Variants in EIPR1 observed in about 807,000 individuals in gnomAD.
EIPR1 encodes the protein EARP and GARP complex-interacting protein 1.
Under a neutral mutation model 48.1 loss-of-function variants are expected in EIPR1, and 25 were observed. The ratio of observed to expected loss-of-function variants is 0.52; its 90% CI spans 0.38 to 0.73. EIPR1 has a LOEUF of 0.73. EIPR1 is among the 30% of genes least tolerant of loss of function. The probability of loss-of-function intolerance (pLI) is 0.00; values close to 1 mark genes in which losing one functional copy is unlikely to be tolerated. For synonymous variants in EIPR1, 204 were observed against 201.9 expected, an observed-to-expected ratio of 1.01 and a Z score of -0.09; for missense variants, 415 against 506.2, an observed-to-expected ratio of 0.82 and a Z score of 1.73.
chr2:3,356,961 C>G (rs1347394755), intron 1 of EIPR1, among the ~76,000 whole-genome samples: 1 of 152,248 alleles, frequency 6.6e-6, no homozygotes, highest in African/African-American at 2.4e-5. Flanking sequence ...GAAAGTACCT[C>G]TGATTGGTTG....
chr2:3,245,783 G>A (rs1666776395), intron 4 of EIPR1, among the ~76,000 whole-genome samples: 1 of 152,220 alleles, frequency 6.6e-6, no homozygotes, highest in Non-Finnish European at 1.5e-5. Context: ...ATCTGGGCCA[G>A]GTGCGGTGGC....
In EIPR1 at chr2:3,286,718, G is replaced by A. The variant is rs1218151846; in HGVS notation, c.260-29263C>T. Among the ~76,000 whole-genome samples, 9 of 152,234 alleles carry A rather than the reference G, an allele frequency of 5.9e-5. No individual in the cohort carries two copies. Among genetic ancestry groups the A allele is most frequent in the Non-Finnish European group, 8.8e-5 (6 of 68,030 alleles). On this transcript the variant is annotated intron_variant, in intron 3 of 8. Transcript: ENST00000382125. This position sits in a 1 kb window ranked among gnomAD's most constrained non-coding sequence, Gnocchi z 4.2. ...CCCAGAGGAACAAGCCAGCCCCTGC[G>A]TCCCCACGTGCTGAGTCCATCCTCC... is the stretch of plus-strand genomic sequence containing the variant.
intron 3 of EIPR1, among the ~76,000 whole-genome samples, chr2:3,269,099 A>T (rs1456278137): frequency 6.6e-6 from 1 of 152,184 alleles, no homozygotes; most frequent in Non-Finnish European, 1.5e-5. Flanking sequence ...CATCTACTCC[A>T]TCATGTGGGC....
intron 3 of EIPR1, among the ~76,000 whole-genome samples, chr2:3,311,066 C>T (rs972732622): frequency 2.6e-5 from 4 of 152,160 alleles, no homozygotes; most frequent in African/African-American, 7.2e-5. Context: ...CACTCTCAGA[C>T]GATTACCAGA....
At chr2:3,305,114 C>T (rs1334751669) in intron 3 of EIPR1, among the ~76,000 whole-genome samples, 5 of 146,512 alleles carry the variant, frequency 3.4e-5, no homozygotes, top group East Asian at 2.1e-4. Flanking sequence ...GCCCTCCACT[C>T]CCGTCCAGTT....
At chr2:3,253,291 T>A (rs1041528027) in intron 4 of EIPR1, among the ~76,000 whole-genome samples, 1 of 152,174 alleles carries the variant, frequency 6.6e-6, no homozygotes, top group African/African-American at 2.4e-5. Flanking sequence ...ACCCATGTAT[T>A]TCTTAAATGT....
Position 3,196,945 on chromosome 2 carries a change from T to G in EIPR1, c.589A>C (p.Asn197His). 1 of 1,613,964 alleles carries G rather than the reference T, an allele frequency of 6.2e-7. No individual in the cohort carries two copies. Among genetic ancestry groups the G allele is most frequent in the Non-Finnish European group, 8.5e-7 (1 of 1,180,046 alleles). The change falls in exon 6 of 9, where the codon AAC (asparagine) becomes CAC (histidine). Residue 197 changes from asparagine (N) to histidine (H), a missense_variant. By Grantham distance (68) the Asn-to-His change is moderately conservative (BLOSUM62 1). Coordinates refer to ENST00000382125, the MANE Select transcript of EIPR1 (RefSeq NM_003310.5). ...FTSGRWSPHH[N>H]CTQVATANDT... ...TTCGCTGTGGCCACCTGGGTGCAGT[T>G]ATGATGTGGGCTCCACCGTCCTGAG...
intron 3 of EIPR1, among the ~76,000 whole-genome samples, chr2:3,294,542 G>A (rs375594930): frequency 2.6e-5 from 2 of 77,794 alleles, no homozygotes; most frequent in African/African-American, 5.1e-5. Flanking sequence ...CCATCCAGCC[G>A]ATCCTCTCTA....
At chr2:3,292,723 T>A (rs1211113942) in intron 3 of EIPR1, among the ~76,000 whole-genome samples, 1 of 152,216 alleles carries the variant, frequency 6.6e-6, no homozygotes, top group East Asian at 1.9e-4. Context: ...CAAAAAGCTC[T>A]CATCTACATT....
intron 4 of EIPR1, among the ~76,000 whole-genome samples, chr2:3,243,561 G>A (rs544027264): frequency 3.9e-5 from 6 of 152,254 alleles, no homozygotes; most frequent in South Asian, 2.1e-4. Context: ...AACCCGGGAG[G>A]CAGAGGTTGC....
At chr2:3,321,743 A>G (rs201745698) in intron 3 of EIPR1, among the ~76,000 whole-genome samples, 1 of 152,210 alleles carries the variant, frequency 6.6e-6, no homozygotes, top group East Asian at 1.9e-4. Context: ...GAGAGCCTCC[A>G]GACCTCGAAG....
At chr2:3,237,886 T>C (rs1365998479) in intron 4 of EIPR1, among the ~76,000 whole-genome samples, 1 of 152,186 alleles carries the variant, frequency 6.6e-6, no homozygotes, top group Non-Finnish European at 1.5e-5. Flanking sequence ...CTCGCTGTTA[T>C]CAGACGCGAA....
At chr2:3,285,528 T>C (rs1272843319) in intron 3 of EIPR1, among the ~76,000 whole-genome samples, 1 of 152,214 alleles carries the variant, frequency 6.6e-6, no homozygotes, top group East Asian at 1.9e-4. Context: ...AAGTGCTCCA[T>C]AAGAATTAAA....
chr2:3,323,673 G>A (rs556106727), intron 3 of EIPR1, among the ~76,000 whole-genome samples: 1 of 152,310 alleles, frequency 6.6e-6, no homozygotes, highest in African/African-American at 2.4e-5. Flanking sequence ...GAGAGTCTGG[G>A]AGCTATGGTG....
At chr2:3,193,875 G>T in intron 7 of EIPR1, 124 bp downstream of exon 7, 1 of 1,000,926 alleles carries the variant, frequency 1.0e-6, no homozygotes, top group Non-Finnish European at 1.4e-6. Context: ...AAATAAAACT[G>T]GGTTGATTGA....
chr2:3,208,620 T>G, intron 5 of EIPR1: 1 of 1,550,646 alleles, frequency 6.4e-7, no homozygotes, highest in Non-Finnish European at 8.7e-7. Context: ...TTGAATGAAT[T>G]TGGCCATGGC....
chr2:3,374,259 C>G (rs1175969595), intron 1 of EIPR1, among the ~76,000 whole-genome samples: 1 of 152,054 alleles, frequency 6.6e-6, no homozygotes, highest in Non-Finnish European at 1.5e-5. Context: ...AACGTTAGAC[C>G]TAAAACCATA....
chr2:3,350,755 A>C (rs1670547947), intron 2 of EIPR1, among the ~76,000 whole-genome samples: 1 of 152,178 alleles, frequency 6.6e-6, no homozygotes, highest in Non-Finnish European at 1.5e-5. Context: ...TACCATACGG[A>C]TTCACACACA....
At chr2:3,376,071 G>T (rs1328989604) in intron 1 of EIPR1, among the ~76,000 whole-genome samples, 3 of 151,758 alleles carry the variant, frequency 2.0e-5, no homozygotes, top group African/African-American at 7.3e-5. Flanking sequence ...GCTCAGGAGT[G>T]TGAGACCAGC....
Sources: gnomAD v4.1 joint callset for allele counts (sites outside exome capture counted in the v4.1 genomes callset) on GRCh38, gnomAD v4.1.1 for gene constraint, Gnocchi (gnomAD v3.1) non-coding constraint, MANE v1.5 for transcripts, NCBI Gene and HGNC (gene_info 2026-07-23, HGNC 2026-07-21) for gene names.